The following TUBB8B variants were observed in gnomAD, a reference collection of about 807,000 sequenced individuals.
TUBB8B encodes the protein tubulin beta 8B.
Under a neutral mutation model 31.9 loss-of-function variants are expected in TUBB8B, and 26 were observed. The observed-to-expected ratio is 0.81, with a 90% CI of 0.60 to 1.13. The LOEUF (loss-of-function observed/expected upper bound fraction) is 1.13. Ranked by LOEUF, TUBB8B falls within the 50% of genes most tolerant of loss-of-function variation. The probability of loss-of-function intolerance (pLI) is 0.00; values close to 1 mark genes in which losing one functional copy is unlikely to be tolerated. For synonymous variants in TUBB8B, 173 were observed against 231.0 expected, an observed-to-expected ratio of 0.75 and a Z score of 2.28; for missense variants, 467 against 586.7, an observed-to-expected ratio of 0.80 and a Z score of 2.11.
the TUBB8B span, among the ~76,000 whole-genome samples, chr18:66,991 T>C: frequency 7.2e-6 from 1 of 139,766 alleles, no homozygotes; most frequent in Admixed American, 6.9e-5. Flanking sequence ...TTTCTTGTTT[T>C]TTTTGTTTTT....
the TUBB8B span, among the ~76,000 whole-genome samples, chr18:71,385 T>G: frequency 1.9e-4 from 28 of 151,194 alleles, no homozygotes; most frequent in African/African-American, 5.1e-4. Context: ...CCATCTCTAC[T>G]AAAAATACAA....
chr18:71,557 CA>C, the TUBB8B span, among the ~76,000 whole-genome samples: 66 of 32,280 alleles, frequency 2.0e-3, no homozygotes, highest in Non-Finnish European at 3.3e-3. Context: ...CAAAAACAAA[CA>C]AAAAAAAATT....
At chr18:67,000 T>TTG in the TUBB8B span, among the ~76,000 whole-genome samples, 1 of 151,496 alleles carries the variant, frequency 6.6e-6, no homozygotes, top group Admixed American at 6.6e-5. Flanking sequence ...TTTTTTGTTT[T>TTG]TTTTTTTTTT....
At chr18:61,881 A>G in the TUBB8B span, among the ~76,000 whole-genome samples, 1 of 151,734 alleles carries the variant, frequency 6.6e-6, no homozygotes. Flanking sequence ...TTTGCACACC[A>G]TAATTACCAT....
chr18:47,943 G>T lies in TUBB8B; in HGVS notation c.782C>A (p.Pro261His). The change falls in exon 4 of 4, where the codon CCC (proline) becomes CAC (histidine). Residue 261 changes from proline (P) to histidine (H), a missense_variant. Physicochemically the swap from Pro to His is moderately conservative, Grantham distance 77. This residue lies in a region of TUBB8B where 259 missense variants were observed against 380.1 expected (regional missense o/e 0.68). Coordinates refer to ENST00000308911, the MANE Select transcript of TUBB8B (RefSeq NM_001358689.2). ...RKLAVNMVPF[P>H]RLHFFMPGFA... is the part of the protein sequence containing the mutation. ...GCCGGGCATGAAGAAATGCAGCCGGGGAAACGGGACCATGTTCACGGCCAG... is the reference window on the plus strand; with the variant it reads ...GCCGGGCATGAAGAAATGCAGCCGGTGAAACGGGACCATGTTCACGGCCAG... 6.2e-7 allele frequency: 1 copy of T among 1,611,696 alleles called. No individual in the cohort carries two copies. Among genetic ancestry groups the T allele is most frequent in the South Asian group, 1.1e-5 (1 of 91,002 alleles).
the TUBB8B span, among the ~76,000 whole-genome samples, chr18:60,581 A>G: frequency 4.0e-5 from 6 of 151,694 alleles, no homozygotes; most frequent in Non-Finnish European, 8.8e-5. Context: ...TGATTTTTAT[A>G]TAGGCACTTA....
chr18:60,262 T>TG, the TUBB8B span, among the ~76,000 whole-genome samples: 1 of 151,858 alleles, frequency 6.6e-6, no homozygotes, highest in African/African-American at 2.4e-5. Context: ...TCTAATTTGT[T>TG]GGCATACAAT....
chr18:67,208 GA>G, the TUBB8B span, among the ~76,000 whole-genome samples: 1 of 152,148 alleles, frequency 6.6e-6, no homozygotes, highest in African/African-American at 2.4e-5. Context: ...TGTTAGCCAG[GA>G]TGGTATCGAT....
At chr18:48,618 G>C in intron 3 of TUBB8B, 171 bp from the exon 4 acceptor site, 2 of 688,350 alleles carry the variant, frequency 2.9e-6, no homozygotes, top group Admixed American at 4.3e-5. Flanking sequence ...AGCTTCCCCT[G>C]TTAGAAATTA....
the TUBB8B span, among the ~76,000 whole-genome samples, chr18:63,731 A>ACCCTAACCCTAACCCCTAT: frequency 7.9e-6 from 1 of 126,100 alleles, no homozygotes; most frequent in Admixed American, 7.7e-5. Flanking sequence ...CTAACCCCTA[A>ACCCTAACCCTAACCCCTAT]CCCTAACTCT....
At chr18:48,573 A>T in intron 3 of TUBB8B, 126 bp from the exon 4 acceptor site, 2 of 770,116 alleles carry the variant, frequency 2.6e-6, no homozygotes, top group Non-Finnish European at 4.6e-6. Flanking sequence ...CAGGTGGAGC[A>T]AATGAAACTC....
chr18:71,140 AG>A, the TUBB8B span, among the ~76,000 whole-genome samples: 1 of 151,792 alleles, frequency 6.6e-6, no homozygotes, highest in Non-Finnish European at 1.5e-5. Context: ...CTGAGGCAGG[AG>A]TATTGCTGGA....
the TUBB8B span, among the ~76,000 whole-genome samples, chr18:73,092 C>G: frequency 6.6e-6 from 1 of 152,110 alleles, no homozygotes; most frequent in Non-Finnish European, 1.5e-5. Flanking sequence ...GTTCCTCCCC[C>G]TCTCCCGGTA....
rs749869065 is a variant in TUBB8B, at chr18:48,471, C to T, written c.278-24G>A. On this transcript the variant is annotated intron_variant, in intron 3 of 3. Coordinates refer to ENST00000308911, the MANE Select transcript of TUBB8B (RefSeq NM_001358689.2). ...ACCTGTAAGACAGCACAGCCGGTCACTCGACGGCCAGGTATACGGTCATCA... is the reference window on the plus strand; with the variant it reads ...ACCTGTAAGACAGCACAGCCGGTCATTCGACGGCCAGGTATACGGTCATCA... The T allele has an allele frequency of 1.1e-4, 135 of 1,214,470 alleles. No homozygotes were observed. The East Asian group carries it at 1.8e-3, about 16-fold the overall frequency. The allele number at this position is 1,214,470 out of a possible 1,614,324, so 75.2% of individuals were successfully genotyped here. A position where few individuals can be genotyped will look rare whatever the true frequency, so the allele number is the denominator to read the frequency against.
chr18:63,675 A>ACCCTAACCCCTAACCCTAAC, the TUBB8B span, among the ~76,000 whole-genome samples: 1 of 146,594 alleles, frequency 6.8e-6, no homozygotes, highest in Non-Finnish European at 1.5e-5. Context: ...CTTAGCCCTA[A>ACCCTAACCCCTAACCCTAAC]CCCTAACCCT....
chr18:69,118 G>C, the TUBB8B span, among the ~76,000 whole-genome samples: 66 of 152,346 alleles, frequency 4.3e-4, no homozygotes, highest in Middle Eastern at 3.4e-3. Flanking sequence ...CAAAGTCCAT[G>C]TATGAGATAA....
the TUBB8B span, among the ~76,000 whole-genome samples, chr18:68,051 T>C: frequency 5.3e-5 from 8 of 152,288 alleles, no homozygotes; most frequent in East Asian, 1.5e-3. Flanking sequence ...GCATCCAGAC[T>C]CTTACCGGGG....
the TUBB8B span, among the ~76,000 whole-genome samples, chr18:67,439 C>T: frequency 6.6e-6 from 1 of 152,194 alleles, no homozygotes; most frequent in Non-Finnish European, 1.5e-5. Flanking sequence ...CTCCTGGGCT[C>T]AAAAGATCCT....
chr18:69,478 A>G, the TUBB8B span, among the ~76,000 whole-genome samples: 1 of 152,178 alleles, frequency 6.6e-6, no homozygotes, highest in African/African-American at 2.4e-5. Flanking sequence ...CTGACTCTTC[A>G]GGGAGCCAGA....
Sources: gnomAD v4.1 joint callset for allele counts (sites outside exome capture counted in the v4.1 genomes callset) on GRCh38, gnomAD v4.1.1 for gene constraint, gnomAD v4.1.1 regional missense constraint, MANE v1.5 for transcripts, NCBI Gene and HGNC (gene_info 2026-07-23, HGNC 2026-07-21) for gene names.